SPMIP11: variants seen among roughly 807,000 people sequenced by gnomAD.
The protein encoded by SPMIP11 is sperm microtubule inner protein 11, also known as long intergenic non-protein coding RNA 935.
At chr12:48,741,468 C>CCGATATGAAG in the SPMIP11 span, among the ~76,000 whole-genome samples, 2 of 152,038 alleles carry the variant, frequency 1.3e-5, no homozygotes, top group African/African-American at 4.8e-5. Flanking sequence ...CAGGAATAAG[C>CCGATATGAAG]GACATTATAT....
chr12:48,747,601 T>G, the SPMIP11 span, among the ~76,000 whole-genome samples: 1 of 152,160 alleles, frequency 6.6e-6, no homozygotes, highest in African/African-American at 2.4e-5. Context: ...AACCATAGAA[T>G]AGTATTTCTA....
At chr12:48,727,698 G>A in the SPMIP11 span, 1 of 596,266 alleles carries the variant, frequency 1.7e-6, no homozygotes, top group Non-Finnish European at 3.0e-6. Flanking sequence ...AGTTAAAATT[G>A]TGGAATAGGG....
the SPMIP11 span, among the ~76,000 whole-genome samples, chr12:48,735,224 C>T: frequency 6.6e-6 from 1 of 152,168 alleles, no homozygotes; most frequent in Non-Finnish European, 1.5e-5. Context: ...GCCCAGCCAA[C>T]CTTGATTTCA....
chr12:48,751,049 A>G, the SPMIP11 span, among the ~76,000 whole-genome samples: 1 of 152,192 alleles, frequency 6.6e-6, no homozygotes, highest in East Asian at 1.9e-4. Flanking sequence ...GATATTTTTA[A>G]GTCATTCACA....
At chr12:48,741,070 T>G in the SPMIP11 span, among the ~76,000 whole-genome samples, 1 of 74,306 alleles carries the variant, frequency 1.3e-5, no homozygotes. Context: ...TGATATTGAC[T>G]TTTTTTTTTT....
chr12:48,764,726 C>A, the SPMIP11 span: 4 of 610,554 alleles, frequency 6.6e-6, no homozygotes, highest in African/African-American at 5.5e-5. Context: ...ACTCCCAGGA[C>A]CTCTCAGCAC....
chr12:48,765,687 T>C, the SPMIP11 span: 1 of 702,628 alleles, frequency 1.4e-6, no homozygotes, highest in Non-Finnish European at 2.6e-6. Context: ...CAAGATGAAT[T>C]GTGGCAAGAG....
At chr12:48,742,083 A>AAG in the SPMIP11 span, among the ~76,000 whole-genome samples, 3 of 151,912 alleles carry the variant, frequency 2.0e-5, no homozygotes, top group African/African-American at 7.3e-5. Flanking sequence ...CTACAATTTT[A>AAG]AAAAAAATTT....
the SPMIP11 span, among the ~76,000 whole-genome samples, chr12:48,755,498 C>A: frequency 2.4e-3 from 361 of 152,278 alleles, 3 homozygotes; most frequent in Admixed American, 0.017. Flanking sequence ...CCAAGCCCTT[C>A]GCCCTTCACC....
chr12:48,729,798 TTC>T, the SPMIP11 span, among the ~76,000 whole-genome samples: 1 of 151,714 alleles, frequency 6.6e-6, no homozygotes, highest in African/African-American at 2.4e-5. Flanking sequence ...ATCAAAGAAG[TTC>T]TGTTTTACTA....
At chr12:48,767,279 G>A in the SPMIP11 span, 1 of 152,656 alleles carries the variant, frequency 6.6e-6, no homozygotes, top group African/African-American at 2.4e-5. Context: ...GACAGGGAGA[G>A]TCATGCTGCA....
At chr12:48,768,798 C>T in the SPMIP11 span, 13 of 1,569,712 alleles carry the variant, frequency 8.3e-6, no homozygotes, top group Non-Finnish European at 1.0e-5. Flanking sequence ...TCTAGTCAGG[C>T]TAGCTCCCTT....
At chr12:48,765,583 T>G in the SPMIP11 span, 1 of 702,900 alleles carries the variant, frequency 1.4e-6, no homozygotes, top group Non-Finnish European at 2.6e-6. Context: ...TGGCTGAATC[T>G]CTCTCTGAAT....
the SPMIP11 span, among the ~76,000 whole-genome samples, chr12:48,744,540 C>T: frequency 6.6e-6 from 1 of 152,042 alleles, no homozygotes; most frequent in Non-Finnish European, 1.5e-5. Context: ...TTGAGGCCAG[C>T]CTGGCCAACA....
the SPMIP11 span, among the ~76,000 whole-genome samples, chr12:48,762,494 A>C: frequency 6.8e-6 from 1 of 147,994 alleles, no homozygotes; most frequent in Non-Finnish European, 1.5e-5. Context: ...CAGCCTCCTA[A>C]GTAGCTGGGA....
chr12:48,748,023 C>T, the SPMIP11 span, among the ~76,000 whole-genome samples: 2 of 152,176 alleles, frequency 1.3e-5, no homozygotes, highest in Non-Finnish European at 2.9e-5. Flanking sequence ...CCCCTAGTCA[C>T]TCTCCCAATC....
the SPMIP11 span, chr12:48,768,467 G>A: frequency 1.4e-6 from 2 of 1,396,788 alleles, no homozygotes; most frequent in Admixed American, 1.8e-5. Context: ...CTGCTGGGAT[G>A]TTCCCTTTTG....
the SPMIP11 span, chr12:48,767,551 T>C: frequency 6.5e-6 from 1 of 152,690 alleles, no homozygotes. Context: ...GCACACACAG[T>C]TACACAAACA....
chr12:48,768,719 G>T, the SPMIP11 span: 2 of 1,613,650 alleles, frequency 1.2e-6, no homozygotes, highest in Non-Finnish European at 1.7e-6. Flanking sequence ...GTGGTCACCT[G>T]GGGGAGTGGG....
Sources: allele counts gnomAD v4.1 joint callset (sites outside exome capture counted in the v4.1 genomes callset), GRCh38; gene constraint gnomAD v4.1.1; transcripts MANE v1.5; gene names NCBI Gene and HGNC (gene_info 2026-07-23, HGNC 2026-07-21).